DCTN2: variants seen among roughly 807,000 people sequenced by gnomAD.
DCTN2 encodes the protein dynactin subunit 2.
DCTN2 carries 18 observed loss-of-function variants against 55.4 expected under a neutral mutation model. The observed-to-expected ratio is 0.32, with a 90% CI of 0.22 to 0.48. The LOEUF (loss-of-function observed/expected upper bound fraction) is 0.48. Among genes scored for constraint, DCTN2 ranks in the 20% least tolerant of loss-of-function variants. The probability of loss-of-function intolerance (pLI) is 0.99; values close to 1 mark genes in which losing one functional copy is unlikely to be tolerated. For missense variants in DCTN2, 390 were observed against 491.0 expected, an observed-to-expected ratio of 0.79 and a Z score of 1.94; for synonymous variants, 168 against 185.2, an observed-to-expected ratio of 0.91 and a Z score of 0.76.
At chr12:57,531,501 A>T (rs1879705081) in intron 13 of DCTN2, among the ~76,000 whole-genome samples, 1 of 152,174 alleles carries the variant, frequency 6.6e-6, no homozygotes, top group Non-Finnish European at 1.5e-5. Context: ...TGGGCAACAG[A>T]GCGAGACTCT....
At chr12:57,543,905 C>G (rs984470348) in intron 2 of DCTN2, 1 of 1,087,648 alleles carries the variant, frequency 9.2e-7, no homozygotes, top group African/African-American at 1.6e-5. Flanking sequence ...TGTTCAGGCT[C>G]TGGGGGAGAA....
In DCTN2 at chr12:57,530,608, G is replaced by A. The variant is rs1879582791; in HGVS notation, c.*81C>T. On this transcript the variant is annotated 3_prime_UTR_variant, in exon 14 of 14. Transcript: ENST00000548249. ...ATGGGATGGGGATGCTAGAGTTATA[G>A]TAAAGGGGAAACCCTATGTAAGCTG... The A allele has an allele frequency of 7.9e-7, 1 of 1,259,444 alleles. No homozygotes were observed. The allele number at this position is 1,259,444 out of a possible 1,614,324, so 78.0% of individuals were successfully genotyped here.
chr12:57,539,554 A>G (rs993190522), intron 2 of DCTN2, among the ~76,000 whole-genome samples: 3 of 152,210 alleles, frequency 2.0e-5, no homozygotes, highest in Non-Finnish European at 4.4e-5. Flanking sequence ...GGGGATATCC[A>G]GTGGTATGTC....
rs778091073 is a variant in DCTN2, at chr12:57,535,434, G to C, written c.264+50C>G. 72 of 1,599,510 alleles carry C rather than the reference G, an allele frequency of 4.5e-5. No individual in the cohort carries two copies. The Admixed American group carries it at 4.5e-4, about 10-fold the overall frequency. On this transcript the variant is annotated intron_variant, in intron 4 of 13. Transcript: ENST00000548249. ...TGATCTCCCTACTACATGTCTGCTA[G>C]ATAGGGTCACTACACCATTCCCATC...
chr12:57,538,297 G>A, intron 2 of DCTN2: 2 of 625,440 alleles, frequency 3.2e-6, no homozygotes, highest in Non-Finnish European at 6.0e-6. Flanking sequence ...TGTGGCCCGG[G>A]AGCACACTCT....
intron 2 of DCTN2, chr12:57,543,890 T>C (rs1163087462): frequency 1.7e-6 from 2 of 1,195,396 alleles, no homozygotes; most frequent in Non-Finnish European, 2.2e-6. Context: ...GCTACTAAAA[T>C]AGGCTGTTCA....
intron 2 of DCTN2, chr12:57,543,674 G>T: frequency 2.6e-6 from 2 of 771,346 alleles, no homozygotes; most frequent in Non-Finnish European, 3.2e-6. Flanking sequence ...GGCTCTTCGG[G>T]CCCCTGAAGT....
Position 57,546,927 on chromosome 12 carries a change from G to A in DCTN2, c.36+101C>T, listed in dbSNP as rs576749406. ...GAGCGGCGGGAGCCCTTGGGCGGAG[G>A]ATGGGCTGCAGGCGGGAGGGGTCGC... On this transcript the variant is annotated intron_variant, in intron 1 of 13. Coordinates refer to ENST00000548249, the MANE Select transcript of DCTN2 (RefSeq NM_001261413.2). The A allele has an allele frequency of 3.2e-4, 318 of 993,910 alleles. No individual in the cohort carries two copies. In the African/African-American group the frequency reaches 5.0e-3, roughly 16 times the overall value. The allele number at this position is 993,910 out of a possible 1,614,324, so 61.6% of individuals were successfully genotyped here. A position where few individuals can be genotyped will look rare whatever the true frequency, so the allele number is the denominator to read the frequency against.
intron 13 of DCTN2, 123 bp from the exon 14 acceptor site, chr12:57,530,898 G>C: frequency 2.3e-6 from 2 of 858,322 alleles, no homozygotes; most frequent in Non-Finnish European, 3.8e-6. Context: ...GCCACAGAGG[G>C]GGGATGTTTA....
chr12:57,546,589 T>C (rs775620995), intron 1 of DCTN2, among the ~76,000 whole-genome samples: 3 of 151,754 alleles, frequency 2.0e-5, no homozygotes, highest in Non-Finnish European at 2.9e-5. Context: ...CCCTCAAGGA[T>C]AGAGCTCCCC....
chr12:57,534,839 T>A (rs1476108959), intron 5 of DCTN2: 1 of 459,460 alleles, frequency 2.2e-6, no homozygotes, highest in Admixed American at 3.9e-5. Flanking sequence ...GCTAAGTTTT[T>A]GTATTTTTTT....
chr12:57,540,613 A>G (rs1388479275), intron 2 of DCTN2, among the ~76,000 whole-genome samples: 1 of 152,220 alleles, frequency 6.6e-6, no homozygotes, highest in Non-Finnish European at 1.5e-5. Flanking sequence ...TCAGACAGGG[A>G]AAGTGGCCAC....
intron 13 of DCTN2, 144 bp from the exon 14 acceptor site, chr12:57,530,919 T>A (rs959719707): frequency 2.8e-6 from 2 of 719,522 alleles, no homozygotes; most frequent in Non-Finnish European, 4.8e-6. Flanking sequence ...TAGCACCAAT[T>A]TTCAAGCTAC....
intron 2 of DCTN2, among the ~76,000 whole-genome samples, chr12:57,541,107 T>G (rs1201000055): frequency 6.6e-6 from 1 of 152,214 alleles, no homozygotes; most frequent in Non-Finnish European, 1.5e-5. Flanking sequence ...GCCTCCATGC[T>G]TCTATCCCAT....
intron 2 of DCTN2, among the ~76,000 whole-genome samples, chr12:57,543,355 A>AG (rs1565684227): frequency 7.8e-6 from 1 of 128,228 alleles, no homozygotes; most frequent in Admixed American, 7.2e-5. Flanking sequence ...TCTCAAAAAA[A>AG]AAAGAAAAAA....
At chr12:57,534,209 C>T in intron 6 of DCTN2, 83 bp downstream of exon 6, 1 of 1,520,822 alleles carries the variant, frequency 6.6e-7, no homozygotes. Context: ...ACTTCTCTGC[C>T]ACTTAGCACC....
chr12:57,537,888 G>A lies in DCTN2; in HGVS notation c.106-2043C>T, dbSNP rs1293001997. Among the ~76,000 whole-genome samples, 4 of 152,128 alleles carry A rather than the reference G, an allele frequency of 2.6e-5. No individual in the cohort carries two copies. The East Asian group carries it at 7.7e-4, about 29-fold the overall frequency. ...ATCAACTGGGAAGGGCTCAGGCTAA[G>A]GATAGACAACCATCTTCTCTGAAGT... On this transcript the variant is annotated intron_variant, in intron 2 of 13. Transcript: ENST00000548249.
chr12:57,532,757 C>G lies in DCTN2; in HGVS notation c.828G>C (p.Leu276Phe). The G allele has an allele frequency of 6.2e-7, 1 of 1,613,920 alleles. No homozygotes were observed. Among genetic ancestry groups the G allele is most frequent in the Non-Finnish European group, 8.5e-7 (1 of 1,179,884 alleles). ...CCTGTAGCCGAGCCTCCACTTGATCCAAAACTGCAAGGTCTAGGGCGCTCA... is the reference window on the plus strand; with the variant it reads ...CCTGTAGCCGAGCCTCCACTTGATCGAAAACTGCAAGGTCTAGGGCGCTCA... ...AKVSALDLAV[L>F]DQVEARLQSV... The change falls in exon 10 of 14, where the codon TTG becomes TTC. Residue 276 changes from leucine (L) to phenylalanine (F), a missense_variant. Physicochemically the swap from Leu to Phe is conservative, Grantham distance 22. Transcript: ENST00000548249.
At chr12:57,531,937 G>A (rs1015180716) in intron 13 of DCTN2, 78 bp downstream of exon 13, 4 of 1,546,136 alleles carry the variant, frequency 2.6e-6, no homozygotes, top group South Asian at 2.4e-5. Context: ...AATAGGCTAA[G>A]GCAGAACCCT....
Sources: allele counts gnomAD v4.1 joint callset (sites outside exome capture counted in the v4.1 genomes callset), GRCh38; gene constraint gnomAD v4.1.1; transcripts MANE v1.5; gene names NCBI Gene and HGNC (gene_info 2026-07-23, HGNC 2026-07-21).